The following NDUFS4 variants were observed in gnomAD, a reference collection of about 807,000 sequenced individuals.
NDUFS4 encodes the protein NADH:ubiquinone oxidoreductase subunit S4.
A neutral mutation model predicts 24.3 loss-of-function variants in NDUFS4; 28 were observed. The observed-to-expected ratio is 1.15, with a 90% CI of 0.85 to 1.58. The LOEUF is 1.58. Among genes scored for constraint, NDUFS4 ranks in the 40% most tolerant of loss-of-function variants. NDUFS4 has a pLI of 0.00. For missense variants in NDUFS4, 223 were observed against 207.9 expected, an observed-to-expected ratio of 1.07 and a Z score of -0.45; for synonymous variants, 93 against 69.7, an observed-to-expected ratio of 1.34 and a Z score of -1.67.
At chr5:53,650,277 G>A (rs1751980248) in intron 3 of NDUFS4, among the ~76,000 whole-genome samples, 1 of 152,152 alleles carries the variant, frequency 6.6e-6, no homozygotes, top group Non-Finnish European at 1.5e-5. Flanking sequence ...TGGTATAGAG[G>A]AGAAAAAGTA....
At chr5:53,563,730 A>G (rs62371470) in intron 1 of NDUFS4, among the ~76,000 whole-genome samples, 1 of 152,018 alleles carries the variant, frequency 6.6e-6, no homozygotes, top group Non-Finnish European at 1.5e-5. Context: ...TCAAACTCCT[A>G]CCCACAGGTG....
intron 4 of NDUFS4, among the ~76,000 whole-genome samples, chr5:53,678,315 C>T (rs1193897837): frequency 6.6e-6 from 1 of 152,126 alleles, no homozygotes; most frequent in South Asian, 2.1e-4. Flanking sequence ...TTTGTGAAAG[C>T]GTTTCAGTGT....
intron 4 of NDUFS4, among the ~76,000 whole-genome samples, chr5:53,674,409 G>C (rs929606989): frequency 6.6e-6 from 1 of 152,132 alleles, no homozygotes; most frequent in Non-Finnish European, 1.5e-5. Context: ...GTGGGAGGAG[G>C]TCAGAGTGGC....
chr5:53,601,938 A>G (rs1750337472), intron 1 of NDUFS4, among the ~76,000 whole-genome samples: 1 of 152,180 alleles, frequency 6.6e-6, no homozygotes, highest in African/African-American at 2.4e-5. Flanking sequence ...ATTACTGCCT[A>G]ATTTGTAAAG....
At chr5:53,639,751 C>G (rs1340417680) in intron 2 of NDUFS4, among the ~76,000 whole-genome samples, 2 of 152,052 alleles carry the variant, frequency 1.3e-5, no homozygotes, top group African/African-American at 4.8e-5. Context: ...AGCAAAGAAA[C>G]TAAAAAGTTA....
intron 2 of NDUFS4, among the ~76,000 whole-genome samples, chr5:53,638,262 A>G (rs915749971): frequency 3.9e-5 from 6 of 152,122 alleles, no homozygotes; most frequent in African/African-American, 7.2e-5. Context: ...AATATCTCCA[A>G]CAGATTGAGA....
chr5:53,586,662 A>T (rs1374662910), intron 1 of NDUFS4, among the ~76,000 whole-genome samples: 1 of 152,054 alleles, frequency 6.6e-6, no homozygotes, highest in Non-Finnish European at 1.5e-5. Context: ...AGCTGGGACT[A>T]CTTGCGTCCA....
chr5:53,664,790 C>T (rs961170010), intron 4 of NDUFS4, among the ~76,000 whole-genome samples: 24 of 152,116 alleles, frequency 1.6e-4, no homozygotes, highest in Admixed American at 4.6e-4. Flanking sequence ...CCTCCTTTAG[C>T]TCGGAGTAGT....
At chr5:53,660,162 A>C (rs1752290976) in intron 4 of NDUFS4, among the ~76,000 whole-genome samples, 1 of 96,712 alleles carries the variant, frequency 1.0e-5, no homozygotes, top group Non-Finnish European at 2.0e-5. Context: ...CCCACCCCAC[A>C]ACAGGTCCCG....
At chr5:53,576,272 C>A (rs1014089261) in intron 1 of NDUFS4, among the ~76,000 whole-genome samples, 1 of 152,220 alleles carries the variant, frequency 6.6e-6, no homozygotes, top group Middle Eastern at 3.4e-3. Flanking sequence ...AAACCTTTCT[C>A]ACAAGTTACA....
intron 4 of NDUFS4, among the ~76,000 whole-genome samples, chr5:53,661,605 TC>T (rs900873353): frequency 6.6e-6 from 1 of 152,232 alleles, no homozygotes; most frequent in Non-Finnish European, 1.5e-5. Context: ...ATGGCCATTT[TC>T]ACGATATTGA....
chr5:53,608,632 T>C (rs1750603018), intron 2 of NDUFS4, among the ~76,000 whole-genome samples: 1 of 152,220 alleles, frequency 6.6e-6, no homozygotes, highest in Admixed American at 6.5e-5. Context: ...CAACTTCTGA[T>C]TTGTTCCAGT....
At chr5:53,594,574 C>T (rs1026922905) in intron 1 of NDUFS4, among the ~76,000 whole-genome samples, 2 of 151,796 alleles carry the variant, frequency 1.3e-5, no homozygotes, top group African/African-American at 4.9e-5. Flanking sequence ...CTCATATCAT[C>T]TGCATTCCCT....
intron 1 of NDUFS4, among the ~76,000 whole-genome samples, chr5:53,598,382 A>AT (rs1750196160): frequency 6.6e-6 from 1 of 152,140 alleles, no homozygotes; most frequent in South Asian, 2.1e-4. Flanking sequence ...GTTTTGAAAG[A>AT]TTTTTTTAAA....
At chr5:53,659,792 G>A (rs1043267992) in intron 4 of NDUFS4, among the ~76,000 whole-genome samples, 5 of 152,032 alleles carry the variant, frequency 3.3e-5, no homozygotes, top group Non-Finnish European at 1.5e-5. Flanking sequence ...TTTTCACCTA[G>A]TATTGTATAG....
chr5:53,675,312 G>A (rs548363520), intron 4 of NDUFS4, among the ~76,000 whole-genome samples: 5 of 151,824 alleles, frequency 3.3e-5, no homozygotes, highest in African/African-American at 7.2e-5. Flanking sequence ...ACAGGCGCCC[G>A]CCACCACGCC....
In NDUFS4 at chr5:53,682,992, G is replaced by GACAT. The variant is rs1740721127; in HGVS notation, c.425-124_425-121dup. On this transcript the variant is annotated intron_variant, in intron 4 of 4. Transcript: ENST00000296684. The stretch of plus-strand genomic sequence containing the variant: ...ATAGTAAGTATATCTCAGATGTGTT[G>GACAT]ACATATACTCTTGATGATAAATGAA... 1.2e-5 allele frequency: 9 copies of GACAT among 770,364 alleles called. No homozygotes were observed. The South Asian group carries it at 1.2e-4, about 11-fold the overall frequency. The allele number at this position is 770,364 out of a possible 1,614,324, so 47.7% of individuals were successfully genotyped here.
intron 2 of NDUFS4, among the ~76,000 whole-genome samples, chr5:53,634,153 A>G (rs554868444): frequency 2.7e-5 from 4 of 150,032 alleles, no homozygotes; most frequent in Non-Finnish European, 4.4e-5. Flanking sequence ...CTTCTGTTGC[A>G]TAGTTTTTTA....
At chr5:53,577,482 AT>A (rs34395834) in intron 1 of NDUFS4, among the ~76,000 whole-genome samples, 124,318 of 146,718 alleles carry the variant, frequency 0.85, 52,581 homozygotes, top group South Asian at 0.88. Flanking sequence ...ATAGTCTGCT[AT>A]TTTTTTTTTT....
Sources: allele counts gnomAD v4.1 joint callset (sites outside exome capture counted in the v4.1 genomes callset), GRCh38; gene constraint gnomAD v4.1.1; transcripts MANE v1.5; gene names NCBI Gene and HGNC (gene_info 2026-07-23, HGNC 2026-07-21).